Variants in SLC71A2 observed in about 807,000 individuals in gnomAD.
The protein encoded by SLC71A2 is hippocampus abundant transcript-like 1.
the SLC71A2 span, among the ~76,000 whole-genome samples, chr9:94,420,216 C>G: frequency 6.6e-6 from 1 of 152,132 alleles, no homozygotes; most frequent in South Asian, 2.1e-4. Context: ...GTCTCACCTC[C>G]TACAACTACC....
chr9:94,421,313 A>C, the SLC71A2 span, among the ~76,000 whole-genome samples: 1 of 152,242 alleles, frequency 6.6e-6, no homozygotes, highest in African/African-American at 2.4e-5. Flanking sequence ...TTATACAGTA[A>C]GTACACTTAT....
At chr9:94,439,022 G>GGTTTTTTT in the SLC71A2 span, among the ~76,000 whole-genome samples, 2 of 115,702 alleles carry the variant, frequency 1.7e-5, no homozygotes, top group South Asian at 2.8e-4. Context: ...ATTTGAGTTC[G>GGTTTTTTT]TTTTTTTTTT....
chr9:94,456,794 GGTT>G, the SLC71A2 span, among the ~76,000 whole-genome samples: 1 of 152,172 alleles, frequency 6.6e-6, no homozygotes, highest in African/African-American at 2.4e-5. Context: ...AAGTCTGTGT[GGTT>G]GTTGATAGAT....
the SLC71A2 span, among the ~76,000 whole-genome samples, chr9:94,379,011 A>G: frequency 6.9e-6 from 1 of 145,918 alleles, no homozygotes; most frequent in Non-Finnish European, 1.5e-5. Flanking sequence ...TAAAATGTCA[A>G]ATTAGTTGGC....
At chr9:94,449,945 G>C in the SLC71A2 span, among the ~76,000 whole-genome samples, 1 of 152,208 alleles carries the variant, frequency 6.6e-6, no homozygotes, top group African/African-American at 2.4e-5. Flanking sequence ...CATGCTCAGA[G>C]AAAGAAGCCA....
chr9:94,417,215 A>C, the SLC71A2 span, among the ~76,000 whole-genome samples: 1 of 152,234 alleles, frequency 6.6e-6, no homozygotes, highest in African/African-American at 2.4e-5. Flanking sequence ...TAAAATACAC[A>C]TAACAAACTT....
At chr9:94,452,650 T>TATATATTCATATATATTC in the SLC71A2 span, among the ~76,000 whole-genome samples, 2 of 109,398 alleles carry the variant, frequency 1.8e-5, no homozygotes, top group South Asian at 2.4e-4. Flanking sequence ...TATATATTCA[T>TATATATTCATATATATTC]ATATATTCAT....
the SLC71A2 span, among the ~76,000 whole-genome samples, chr9:94,395,968 C>CT: frequency 6.6e-6 from 1 of 151,286 alleles, no homozygotes; most frequent in Non-Finnish European, 1.5e-5. Flanking sequence ...CAACAAATGT[C>CT]TGTTATCTCT....
chr9:94,402,776 C>T, the SLC71A2 span, among the ~76,000 whole-genome samples: 1 of 152,320 alleles, frequency 6.6e-6, no homozygotes, highest in African/African-American at 2.4e-5. Context: ...ATCTTGAAAC[C>T]ATGTGACCAA....
the SLC71A2 span, among the ~76,000 whole-genome samples, chr9:94,435,104 C>T: frequency 6.6e-6 from 1 of 152,176 alleles, no homozygotes; most frequent in Admixed American, 6.5e-5. Flanking sequence ...TGTGGTCAAT[C>T]ATTATAATTA....
the SLC71A2 span, among the ~76,000 whole-genome samples, chr9:94,430,888 A>G: frequency 0.71 from 108,146 of 151,904 alleles, 40,065 homozygotes; most frequent in African/African-American, 0.93. Context: ...GTTAAATAGG[A>G]GTTTAAAGTA....
the SLC71A2 span, among the ~76,000 whole-genome samples, chr9:94,391,855 G>A: frequency 6.6e-6 from 1 of 151,704 alleles, no homozygotes; most frequent in Non-Finnish European, 1.5e-5. Flanking sequence ...CTCCAGCCTG[G>A]GCAACAGAGC....
the SLC71A2 span, among the ~76,000 whole-genome samples, chr9:94,387,157 G>C: frequency 1.3e-5 from 2 of 152,006 alleles, no homozygotes; most frequent in African/African-American, 4.8e-5. Context: ...CATTAAGGTG[G>C]GTGGGAAGGG....
At chr9:94,449,195 T>C in the SLC71A2 span, among the ~76,000 whole-genome samples, 1 of 152,212 alleles carries the variant, frequency 6.6e-6, no homozygotes, top group African/African-American at 2.4e-5. Flanking sequence ...ACACATATGC[T>C]CATGTCACCA....
the SLC71A2 span, chr9:94,456,100 T>G: frequency 1.8e-6 from 1 of 562,048 alleles, no homozygotes; most frequent in East Asian, 3.0e-5. Context: ...AAAAAAAAAA[T>G]GCATTTTTAA....
At chr9:94,378,743 T>G in the SLC71A2 span, among the ~76,000 whole-genome samples, 1 of 152,106 alleles carries the variant, frequency 6.6e-6, no homozygotes, top group East Asian at 1.9e-4. Flanking sequence ...AGACCCCACC[T>G]CCAACACTGG....
the SLC71A2 span, chr9:94,459,439 A>ACGC: frequency 2.5e-6 from 4 of 1,610,796 alleles, no homozygotes; most frequent in Non-Finnish European, 3.4e-6. Context: ...GATTCTGCAT[A>ACGC]CGCCATCTCT....
At chr9:94,389,450 A>G in the SLC71A2 span, among the ~76,000 whole-genome samples, 1 of 150,532 alleles carries the variant, frequency 6.6e-6, no homozygotes, top group Non-Finnish European at 1.5e-5. Context: ...ATATATATAT[A>G]TTTTTTTCAG....
the SLC71A2 span, among the ~76,000 whole-genome samples, chr9:94,396,302 G>GC: frequency 6.6e-6 from 1 of 151,972 alleles, no homozygotes; most frequent in African/African-American, 2.4e-5. Flanking sequence ...GATTGCCTGA[G>GC]CTCAGGAGTT....
Sources: allele counts gnomAD v4.1 joint callset (sites outside exome capture counted in the v4.1 genomes callset), GRCh38; gene constraint gnomAD v4.1.1; transcripts MANE v1.5; gene names NCBI Gene and HGNC (gene_info 2026-07-23, HGNC 2026-07-21).